Variants in FHIT observed in about 807,000 individuals in gnomAD.
FHIT encodes the protein fragile histidine triad diadenosine triphosphatase.
FHIT carries 19 observed loss-of-function variants against 17.9 expected under a neutral mutation model. The observed-to-expected ratio is 1.06, with a 90% CI of 0.74 to 1.56. The LOEUF (loss-of-function observed/expected upper bound fraction) is 1.56, where lower values mean the gene tolerates loss of function less well. FHIT is among the 40% of genes most tolerant of loss of function. FHIT has a pLI of 0.00. For synonymous variants in FHIT, 81 were observed against 69.7 expected (o/e 1.16, Z -0.81); for missense variants, 248 against 189.2 (o/e 1.31, Z -1.82).
intron 3 of FHIT, among the ~76,000 whole-genome samples, chr3:61,018,455 T>C (rs2032233369): frequency 6.6e-6 from 1 of 152,238 alleles, no homozygotes; most frequent in African/African-American, 2.4e-5. Flanking sequence ...CAACTTTTAG[T>C]TTCTCTAAAC....
In FHIT at chr3:60,372,487, ATCTTCCTGGTTTCTTTT is replaced by A. The variant is rs1426935016; in HGVS notation, c.103+164356_103+164372del. Among the ~76,000 whole-genome samples, 4 of 152,102 alleles carry A rather than the reference ATCTTCCTGGTTTCTTTT, an allele frequency of 2.6e-5. No homozygotes were observed. In the East Asian group the frequency reaches 7.7e-4, roughly 29 times the overall value. ...CTCTATCTCATTGTATTTTCCGCTT[ATCTTCCTGGTTTCTTTT>A]TCTTCCTGAATCTCCAACACATGCC... is the stretch of plus-strand genomic sequence containing the variant. On this transcript the variant is annotated intron_variant, in intron 5 of 9. Transcript: ENST00000492590.
intron 5 of FHIT, among the ~76,000 whole-genome samples, chr3:60,041,261 C>A (rs1701427551): frequency 6.6e-6 from 1 of 152,184 alleles, no homozygotes; most frequent in South Asian, 2.1e-4. Context: ...GCATTTTCAA[C>A]ATGTCCAGGG....
chr3:60,834,697 GA>G (rs111777595), intron 3 of FHIT, among the ~76,000 whole-genome samples: 12 of 146,624 alleles, frequency 8.2e-5, no homozygotes, highest in Admixed American at 4.1e-4. Context: ...CAACTAAAAA[GA>G]AAAAAAAAAT....
chr3:59,918,987 T>C (rs574727915), intron 8 of FHIT, among the ~76,000 whole-genome samples: 16 of 152,208 alleles, frequency 1.1e-4, no homozygotes, highest in Admixed American at 1.3e-4. Context: ...TGGTTTCCTC[T>C]AAGTTAAAAA....
chr3:60,952,157 T>G (rs1575742349), intron 3 of FHIT, among the ~76,000 whole-genome samples: 1 of 142,040 alleles, frequency 7.0e-6, no homozygotes, highest in East Asian at 2.0e-4. Context: ...AGAGCAAAAC[T>G]CCGTCCTCCC....
chr3:60,295,412 G>A (rs1296656666), intron 5 of FHIT, among the ~76,000 whole-genome samples: 2 of 152,152 alleles, frequency 1.3e-5, no homozygotes, highest in Non-Finnish European at 1.5e-5. Flanking sequence ...ATAGCTGAAG[G>A]AGAAGGGGAG....
chr3:60,320,723 G>C (rs1466158011), intron 5 of FHIT, among the ~76,000 whole-genome samples: 1 of 151,944 alleles, frequency 6.6e-6, no homozygotes, highest in Non-Finnish European at 1.5e-5. Flanking sequence ...TAAAACTTGT[G>C]CTATAATTTA....
At chr3:59,954,273 T>C in intron 7 of FHIT, among the ~76,000 whole-genome samples, 1 of 146,940 alleles carries the variant, frequency 6.8e-6, no homozygotes, top group East Asian at 2.0e-4. Context: ...TGTTTAAATA[T>C]AGGCCTGATT....
chr3:60,318,029 T>C (rs910761083), intron 5 of FHIT, among the ~76,000 whole-genome samples: 1 of 152,040 alleles, frequency 6.6e-6, no homozygotes, highest in East Asian at 1.9e-4. Context: ...TCACCTCAAG[T>C]GATCCACCTG....
At chr3:60,720,731 T>C (rs1438125575) in intron 4 of FHIT, among the ~76,000 whole-genome samples, 4 of 152,200 alleles carry the variant, frequency 2.6e-5, no homozygotes, top group Admixed American at 2.0e-4. Context: ...CTTTACTCGT[T>C]GTCTCACTGT....
chr3:60,558,994 T>C (rs1029320087), intron 4 of FHIT, among the ~76,000 whole-genome samples: 1 of 152,174 alleles, frequency 6.6e-6, no homozygotes, highest in Admixed American at 6.5e-5. Context: ...ACTTCTAGCA[T>C]TGAAATAACA....
intron 5 of FHIT, among the ~76,000 whole-genome samples, chr3:60,256,442 G>A (rs962507346): frequency 3.3e-5 from 5 of 152,174 alleles, no homozygotes. Flanking sequence ...CCCAGGCTAA[G>A]GTATTTTGTT....
intron 4 of FHIT, among the ~76,000 whole-genome samples, chr3:60,552,940 A>G (rs2036607967): frequency 6.6e-6 from 1 of 152,128 alleles, no homozygotes; most frequent in Non-Finnish European, 1.5e-5. Flanking sequence ...CCAAAGGTGC[A>G]TGTGAGATTA....
intron 3 of FHIT, among the ~76,000 whole-genome samples, chr3:61,014,289 T>C (rs891242064): frequency 6.6e-6 from 1 of 152,170 alleles, no homozygotes; most frequent in Admixed American, 6.5e-5. Context: ...GTATTTCTTC[T>C]CTCCTTTCCT....
intron 5 of FHIT, among the ~76,000 whole-genome samples, chr3:60,125,862 A>T (rs1477370006): frequency 6.6e-6 from 1 of 152,130 alleles, no homozygotes; most frequent in East Asian, 1.9e-4. Flanking sequence ...ATCTAATCCA[A>T]CTACCCATGA....
chr3:59,794,285 G>A (rs1032782432), intron 8 of FHIT, among the ~76,000 whole-genome samples: 3 of 152,132 alleles, frequency 2.0e-5, no homozygotes, highest in Non-Finnish European at 4.4e-5. Flanking sequence ...TAGCACGAAT[G>A]CCTCCTTCTG....
At chr3:61,159,057 A>G (rs1447867543) in intron 2 of FHIT, among the ~76,000 whole-genome samples, 1 of 152,226 alleles carries the variant, frequency 6.6e-6, no homozygotes, top group Non-Finnish European at 1.5e-5. Context: ...AGTGGGGAAA[A>G]AATAGCTTAT....
chr3:59,859,268 C>T (rs773529960), intron 8 of FHIT, among the ~76,000 whole-genome samples: 13 of 152,194 alleles, frequency 8.5e-5, no homozygotes, highest in Admixed American at 3.9e-4. Flanking sequence ...AGCTCAGCAG[C>T]GTTTTTGTGG....
intron 3 of FHIT, among the ~76,000 whole-genome samples, chr3:60,974,818 G>A (rs2107537370): frequency 6.6e-6 from 1 of 152,224 alleles, no homozygotes; most frequent in East Asian, 1.9e-4. Flanking sequence ...CCCAAGACAT[G>A]AGGCCTGAAA....
Sources: gnomAD v4.1 joint callset for allele counts (sites outside exome capture counted in the v4.1 genomes callset) on GRCh38, gnomAD v4.1.1 for gene constraint, MANE v1.5 for transcripts, NCBI Gene and HGNC (gene_info 2026-07-23, HGNC 2026-07-21) for gene names.